EIPR1: variants seen among roughly 807,000 people sequenced by gnomAD.
The protein encoded by EIPR1 is EARP and GARP complex-interacting protein 1.
Under a neutral mutation model 48.1 loss-of-function variants are expected in EIPR1, and 25 were observed. The ratio of observed to expected loss-of-function variants is 0.52; its 90% CI spans 0.38 to 0.73. EIPR1 has a LOEUF of 0.73. Among genes scored for constraint, EIPR1 ranks in the 30% least tolerant of loss-of-function variants. The pLI, the probability that EIPR1 is intolerant of heterozygous loss-of-function variation, is 0.00. For synonymous variants in EIPR1, 204 were observed against 201.9 expected (o/e 1.01, Z -0.09); for missense variants, 415 against 506.2 (o/e 0.82, Z 1.73).
At chr2:3,255,175 T>C (rs1392215270) in intron 4 of EIPR1, among the ~76,000 whole-genome samples, 2 of 142,502 alleles carry the variant, frequency 1.4e-5, no homozygotes, top group African/African-American at 5.2e-5. Context: ...ATATCAACAA[T>C]TACTTTCTTA....
intron 3 of EIPR1, among the ~76,000 whole-genome samples, chr2:3,337,398 A>G (rs564107021): frequency 1.3e-5 from 2 of 152,246 alleles, no homozygotes; most frequent in South Asian, 2.1e-4. Flanking sequence ...TCTGGCTTAC[A>G]TGGTAGAGAA....
intron 3 of EIPR1, among the ~76,000 whole-genome samples, chr2:3,289,133 G>A (rs1299088393): frequency 1.3e-5 from 2 of 152,230 alleles, no homozygotes. Flanking sequence ...TTTCAGGGGA[G>A]AGGGGAGACA....
Position 3,189,453 on chromosome 2 carries a change from T to C in EIPR1, c.1045A>G (p.Ser349Gly). 1 of 1,582,824 alleles carries C rather than the reference T, an allele frequency of 6.3e-7. No individual in the cohort carries two copies. The highest frequency in any genetic ancestry group is 8.6e-7 in the Non-Finnish European group (1 of 1,161,116). The change falls in exon 9 of 9, where the codon AGC becomes GGC. Residue 349 changes from serine (S) to glycine (G), a missense_variant. By Grantham distance (56) the Ser-to-Gly change is moderately conservative (BLOSUM62 0). Transcript: ENST00000382125. This position sits in a 1 kb window ranked among gnomAD's most constrained non-coding sequence, Gnocchi z 4.6. ...VIATYEEHED[S>G]VYAVDWSSAD... is the part of the protein sequence containing the mutation. ...GAGGACCAGTCCACGGCATAGACGC[T>C]GTCCTCGTGCTCCTCGTAGGTGGCG...
intron 4 of EIPR1, among the ~76,000 whole-genome samples, chr2:3,242,020 C>G (rs1241997577): frequency 2.0e-5 from 3 of 152,156 alleles, no homozygotes; most frequent in African/African-American, 7.2e-5. Context: ...TGCCTCCTAG[C>G]CCCGCCGTCA....
At chr2:3,336,286 T>C (rs1008216939) in intron 3 of EIPR1, among the ~76,000 whole-genome samples, 1 of 152,202 alleles carries the variant, frequency 6.6e-6, no homozygotes, top group Admixed American at 6.5e-5. Context: ...TCTTGAGAAA[T>C]GTGTTTCTGC....
At chr2:3,253,907 G>A (rs1384856716) in intron 4 of EIPR1, among the ~76,000 whole-genome samples, 1 of 152,168 alleles carries the variant, frequency 6.6e-6, no homozygotes, top group Non-Finnish European at 1.5e-5. Context: ...CCTGCGGTGT[G>A]GGGCATGCCT....
At chr2:3,366,421 A>T (rs1670975239) in intron 1 of EIPR1, among the ~76,000 whole-genome samples, 1 of 152,250 alleles carries the variant, frequency 6.6e-6, no homozygotes, top group African/African-American at 2.4e-5. Context: ...CACAGGAAGG[A>T]AGTCTGCAGT....
At chr2:3,321,400 C>T (rs1407565835) in intron 3 of EIPR1, among the ~76,000 whole-genome samples, 4 of 152,166 alleles carry the variant, frequency 2.6e-5, no homozygotes, top group East Asian at 1.9e-4. Context: ...CCTCTGCCCC[C>T]GCCGCCCCGT....
At chr2:3,264,841 C>G (rs1667439034) in intron 3 of EIPR1, among the ~76,000 whole-genome samples, 1 of 152,170 alleles carries the variant, frequency 6.6e-6, no homozygotes, top group South Asian at 2.1e-4. Context: ...GTGCCGCCAC[C>G]ATGCCCAGCT....
At position 3,327,097 on chromosome 2, in the gene EIPR1, G is replaced by C. The variant is rs561681111; in HGVS notation, c.259+10920C>G. Among the ~76,000 whole-genome samples the C allele has an allele frequency of 3.3e-5, 5 of 152,382 alleles. No homozygotes were observed. In the South Asian group the frequency reaches 1.0e-3, roughly 32 times the overall value. Reference sequence around the variant, plus strand: ...GTGCTCTGGCAGAAACGGCCACACAGGGGCCGGGAGATGGGGTGGGACCCC... The same window carrying C: ...GTGCTCTGGCAGAAACGGCCACACACGGGCCGGGAGATGGGGTGGGACCCC... On this transcript the variant is annotated intron_variant, in intron 3 of 8. Transcript: ENST00000382125.
chr2:3,255,205 T>C (rs887366753), intron 4 of EIPR1, among the ~76,000 whole-genome samples: 1 of 137,044 alleles, frequency 7.3e-6, no homozygotes, highest in Non-Finnish European at 1.6e-5. Context: ...TTTTTTTTTT[T>C]AGACGGAGTC....
At chr2:3,270,442 A>C (rs1667671878) in intron 3 of EIPR1, among the ~76,000 whole-genome samples, 1 of 152,178 alleles carries the variant, frequency 6.6e-6, no homozygotes, top group Admixed American at 6.5e-5. Flanking sequence ...CATGGTAACT[A>C]AGATCTGTGT....
intron 3 of EIPR1, among the ~76,000 whole-genome samples, chr2:3,277,790 G>A (rs1304261529): frequency 1.3e-5 from 2 of 152,180 alleles, no homozygotes; most frequent in African/African-American, 2.4e-5. Context: ...TGACTGCTGC[G>A]AACATTGCTG....
rs184278946 is a variant in EIPR1, at chr2:3,261,254, C to G, written c.260-3799G>C. ...ATTCCTAGGGGTGAAACAGACAAGG[C>G]ATTCAAGGAGAGTACTGCCTGCCTG... On this transcript the variant is annotated intron_variant, in intron 3 of 8. Coordinates refer to ENST00000382125, the MANE Select transcript of EIPR1 (RefSeq NM_003310.5). Among the ~76,000 whole-genome samples, 6 of 152,230 alleles carry G rather than the reference C, an allele frequency of 3.9e-5. No individual in the cohort carries two copies. The East Asian group carries it at 1.2e-3, about 29-fold the overall frequency.
At chr2:3,304,438 GCCCTTCAGTCCCGTCCAA>G (rs1668852048) in intron 3 of EIPR1, among the ~76,000 whole-genome samples, 1 of 140,438 alleles carries the variant, frequency 7.1e-6, no homozygotes, top group Non-Finnish European at 1.6e-5. Context: ...GTCCAATTCA[GCCCTTCAGTCCCGTCCAA>G]TTCAGCCCTC....
chr2:3,189,835 C>A lies in EIPR1; in HGVS notation c.990-327G>T, dbSNP rs545670403. Among the ~76,000 whole-genome samples, 4 of 152,288 alleles carry A rather than the reference C, an allele frequency of 2.6e-5. No homozygotes were observed. The South Asian group carries it at 8.3e-4, about 32-fold the overall frequency. On this transcript the variant is annotated intron_variant, in intron 8 of 8. Transcript: ENST00000382125. The surrounding 1 kb of genome is among the most constrained non-coding windows in gnomAD (Gnocchi z 4.6). ...GGGTTGATATTTTGTTGGAGGTCTT[C>A]CAAGGGCTTCCTTTAGCTCAGGGGA...
At chr2:3,259,684 A>G (rs552530375) in intron 3 of EIPR1, among the ~76,000 whole-genome samples, 6 of 152,256 alleles carry the variant, frequency 3.9e-5, no homozygotes. Flanking sequence ...TGTAACAAAG[A>G]GGGGTTTTTC....
rs771061826 is a variant in EIPR1 at position 3,208,730 on chromosome 2, TCGTGGCGGGTCCTTCTGTGAGTGAGGCC to T, written c.516+5391_516+5418del. On this transcript the variant is annotated intron_variant, in intron 5 of 8. Coordinates refer to ENST00000382125, the MANE Select transcript of EIPR1 (RefSeq NM_003310.5). ...CGGGTCCTTCTTCCATGCGTGAGGCTCGTGGCGGGTCCTTCTGTGAGTGAGGCCCGTGGCGAGTCCTTCTTCCTTGAGT... is the reference window on the plus strand; with the variant it reads ...CGGGTCCTTCTTCCATGCGTGAGGCTCGTGGCGAGTCCTTCTTCCTTGAGT... 7.7e-6 allele frequency: 12 copies of T among 1,548,606 alleles called. No homozygotes were observed. In the African/African-American group the frequency reaches 9.6e-5, roughly 12 times the overall value.
rs1664534902 is a variant in EIPR1 at position 3,189,684 on chromosome 2, C to A, written c.990-176G>T. On this transcript the variant is annotated intron_variant, in intron 8 of 8. Transcript: ENST00000382125. This position sits in a 1 kb window ranked among gnomAD's most constrained non-coding sequence, Gnocchi z 4.6. ...CCCACACCGAGGACGGTGGGGTGGTCCCTGCAGAAGCCCAGAAACCCTCAC... is the reference window on the plus strand; with the variant it reads ...CCCACACCGAGGACGGTGGGGTGGTACCTGCAGAAGCCCAGAAACCCTCAC... 6.6e-6 allele frequency among the ~76,000 whole-genome samples: 1 copy of A among 152,144 alleles called. No homozygotes were observed. The highest frequency in any genetic ancestry group is 6.5e-5 in the Admixed American group (1 of 15,274).
Sources: allele counts gnomAD v4.1 joint callset (sites outside exome capture counted in the v4.1 genomes callset), GRCh38; gene constraint gnomAD v4.1.1; non-coding constraint Gnocchi (gnomAD v3.1); transcripts MANE v1.5; gene names NCBI Gene and HGNC (gene_info 2026-07-23, HGNC 2026-07-21).